XKR6: variants seen among roughly 807,000 people sequenced by gnomAD.
XKR6 encodes XK-related protein 6.
A neutral mutation model predicts 56.7 loss-of-function variants in XKR6; 22 were observed. That is an observed-to-expected ratio of 0.39 (90% confidence interval 0.28 to 0.55). The LOEUF (loss-of-function observed/expected upper bound fraction) is 0.55, where lower values mean the gene tolerates loss of function less well. Among genes scored for constraint, XKR6 ranks in the 20% least tolerant of loss-of-function variants. XKR6 has a pLI of 0.66. For missense variants in XKR6, 852 were observed against 889.0 expected, an observed-to-expected ratio of 0.96 and a Z score of 0.53; for synonymous variants, 524 against 387.8, an observed-to-expected ratio of 1.35 and a Z score of -4.13.
chr8:11,171,355 G>C (rs1345644256), intron 1 of XKR6, among the ~76,000 whole-genome samples: 1 of 152,242 alleles, frequency 6.6e-6, no homozygotes, highest in Non-Finnish European at 1.5e-5. Flanking sequence ...CTAATTACCA[G>C]AGATTAAGAG....
chr8:10,947,840 T>C (rs1942818488), intron 1 of XKR6, among the ~76,000 whole-genome samples: 1 of 152,096 alleles, frequency 6.6e-6, no homozygotes, highest in South Asian at 2.1e-4. Flanking sequence ...CAGGAGGGCT[T>C]TGGGGATGTG....
chr8:10,987,955 G>A (rs1161762775), intron 1 of XKR6, among the ~76,000 whole-genome samples: 1 of 152,190 alleles, frequency 6.6e-6, no homozygotes, highest in Non-Finnish European at 1.5e-5. Flanking sequence ...TTTTTTGAGA[G>A]TACCCAGGGG....
intron 1 of XKR6, among the ~76,000 whole-genome samples, chr8:11,192,352 T>G (rs534362676): frequency 6.6e-6 from 1 of 152,036 alleles, no homozygotes; most frequent in East Asian, 1.9e-4. Flanking sequence ...AGAGACACCA[T>G]GTTAGCCAGG....
intron 1 of XKR6, among the ~76,000 whole-genome samples, chr8:11,005,022 G>C (rs148689122): frequency 6.6e-6 from 1 of 152,230 alleles, no homozygotes; most frequent in Non-Finnish European, 1.5e-5. Flanking sequence ...ACAGAATGTG[G>C]TACAGTCCCT....
intron 2 of XKR6, among the ~76,000 whole-genome samples, chr8:10,920,493 G>A (rs1034666282): frequency 6.6e-6 from 1 of 152,218 alleles, no homozygotes; most frequent in South Asian, 2.1e-4. Context: ...GACCCTCCAG[G>A]CACCCATGTG....
At chr8:11,122,377 A>G (rs1799499400) in intron 1 of XKR6, among the ~76,000 whole-genome samples, 1 of 152,228 alleles carries the variant, frequency 6.6e-6, no homozygotes, top group African/African-American at 2.4e-5. Flanking sequence ...CTAACCAGAG[A>G]TAGAATACTT....
chr8:11,043,780 C>T (rs1050819903), intron 1 of XKR6, among the ~76,000 whole-genome samples: 3 of 152,318 alleles, frequency 2.0e-5, no homozygotes, highest in East Asian at 3.9e-4. Flanking sequence ...ATACATACTC[C>T]CGTTTTCATT....
At chr8:11,117,991 C>G (rs956394814) in intron 1 of XKR6, among the ~76,000 whole-genome samples, 1 of 152,040 alleles carries the variant, frequency 6.6e-6, no homozygotes, top group Non-Finnish European at 1.5e-5. Context: ...TCCAAACAGA[C>G]CGTTAGGAGA....
At chr8:11,014,503 C>T (rs539127188) in intron 1 of XKR6, among the ~76,000 whole-genome samples, 24 of 152,328 alleles carry the variant, frequency 1.6e-4, no homozygotes, top group African/African-American at 5.5e-4. Flanking sequence ...GGAGCCTCCC[C>T]TTTCCTATGG....
intron 2 of XKR6, among the ~76,000 whole-genome samples, chr8:10,912,306 GTATATATATATATATATATATA>G (rs535084135): frequency 7.2e-5 from 4 of 55,248 alleles, no homozygotes; most frequent in Non-Finnish European, 9.9e-5. Flanking sequence ...AAGAGAGGGT[GTATATATATATATATATATATA>G]TATATATATA....
rs1478039768 is a variant in XKR6 at position 11,122,366 on chromosome 8, A to G, written c.764+78210T>C. Among the ~76,000 whole-genome samples, 5 of 152,350 alleles carry G rather than the reference A, an allele frequency of 3.3e-5. No individual in the cohort carries two copies. In the East Asian group the frequency reaches 9.6e-4, roughly 29 times the overall value. On this transcript the variant is annotated intron_variant, in intron 1 of 2. Transcript: ENST00000416569. ...GATCTCATATTTGCCCCAAATCAAC[A>G]CTAACCAGAGATAGAATACTTTAGT...
intron 1 of XKR6, among the ~76,000 whole-genome samples, chr8:11,083,936 A>T (rs1355196063): frequency 1.3e-5 from 2 of 152,192 alleles, no homozygotes; most frequent in African/African-American, 2.4e-5. Flanking sequence ...TAAAAAAAAA[A>T]ACTCCTTTAA....
chr8:10,990,860 G>A (rs957461911), intron 1 of XKR6, among the ~76,000 whole-genome samples: 1 of 150,070 alleles, frequency 6.7e-6, no homozygotes. Flanking sequence ...TAGGATTACA[G>A]GTGTTCATCA....
At chr8:11,086,150 T>TATATATATATATATATATA (rs1439777662) in intron 1 of XKR6, among the ~76,000 whole-genome samples, 98 of 112,728 alleles carry the variant, frequency 8.7e-4, no homozygotes, top group African/African-American at 4.2e-3. Context: ...ATATATATAT[T>TATATATATATATATATATA]TTTTTTTAAA....
At chr8:10,951,360 G>T (rs1401831435) in intron 1 of XKR6, among the ~76,000 whole-genome samples, 4 of 151,076 alleles carry the variant, frequency 2.6e-5, no homozygotes, top group Admixed American at 2.6e-4. Context: ...ACAAGGTGCT[G>T]AGCGACGCAT....
At chr8:10,918,490 C>T (rs1800624436) in intron 2 of XKR6, among the ~76,000 whole-genome samples, 1 of 152,240 alleles carries the variant, frequency 6.6e-6, no homozygotes, top group Non-Finnish European at 1.5e-5. Context: ...GCACAAGCCA[C>T]CCTCCACTCC....
intron 1 of XKR6, among the ~76,000 whole-genome samples, chr8:11,001,613 A>G (rs1351551001): frequency 6.6e-6 from 1 of 152,224 alleles, no homozygotes; most frequent in African/African-American, 2.4e-5. Flanking sequence ...GGACTACCCA[A>G]GAGTCAGCAG....
intron 2 of XKR6, among the ~76,000 whole-genome samples, chr8:10,905,322 C>G (rs1213474122): frequency 6.6e-6 from 1 of 152,206 alleles, no homozygotes; most frequent in African/African-American, 2.4e-5. Flanking sequence ...CCTCCTGGCT[C>G]TGTGTGACAG....
At chr8:10,998,402 C>T (rs1798164405) in intron 1 of XKR6, among the ~76,000 whole-genome samples, 1 of 152,204 alleles carries the variant, frequency 6.6e-6, no homozygotes, top group African/African-American at 2.4e-5. Context: ...AATAACGAGT[C>T]TGCGTTTAAA....
Sources: gnomAD v4.1 joint callset for allele counts (sites outside exome capture counted in the v4.1 genomes callset) on GRCh38, gnomAD v4.1.1 for gene constraint, MANE v1.5 for transcripts, NCBI Gene and HGNC (gene_info 2026-07-23, HGNC 2026-07-21) for gene names.